The following SMIM36 variants were observed in gnomAD, a reference collection of about 807,000 sequenced individuals.
SMIM36 encodes small integral membrane protein 36.
chr17:55,485,059 C>T (rs982547979), intron 1 of SMIM36, among the ~76,000 whole-genome samples: 4 of 152,136 alleles, frequency 2.6e-5, no homozygotes, highest in Non-Finnish European at 5.9e-5. Context: ...ATGTGAGAAA[C>T]TATCCATATT....
intron 1 of SMIM36, among the ~76,000 whole-genome samples, chr17:55,492,483 C>T (rs901120723): frequency 4.0e-5 from 6 of 151,556 alleles, no homozygotes; most frequent in South Asian, 2.1e-4. Flanking sequence ...TGACCTCATA[C>T]GTTCTTTCTC....
intron 1 of SMIM36, among the ~76,000 whole-genome samples, chr17:55,501,416 A>G (rs752926259): frequency 0.047 from 1,097 of 23,484 alleles, 206 homozygotes; most frequent in African/African-American, 0.29. Context: ...ATATATTATA[A>G]AATATAATAT....
chr17:55,470,296 C>T (rs1909320971), intron 3 of SMIM36, among the ~76,000 whole-genome samples: 2 of 152,212 alleles, frequency 1.3e-5, no homozygotes, highest in African/African-American at 4.8e-5. Flanking sequence ...ATCTTCTCTG[C>T]TTAGTGGCTG....
chr17:55,455,568 T>G (rs948293739), intron 4 of SMIM36, among the ~76,000 whole-genome samples: 5 of 152,226 alleles, frequency 3.3e-5, no homozygotes, highest in African/African-American at 1.2e-4. Flanking sequence ...GGTGGGAGGA[T>G]CAGTTGAGCC....
At chr17:55,529,306 A>G in the SMIM36 span, among the ~76,000 whole-genome samples, 2 of 152,198 alleles carry the variant, frequency 1.3e-5, no homozygotes, top group Non-Finnish European at 2.9e-5. Flanking sequence ...CTCATAATTA[A>G]TTTACCATTA....
the SMIM36 span, among the ~76,000 whole-genome samples, chr17:55,522,883 C>A: frequency 2.6e-5 from 4 of 152,240 alleles, no homozygotes; most frequent in East Asian, 7.7e-4. Flanking sequence ...TCCCTGTACA[C>A]GGGCCCAGAG....
At chr17:55,463,395 A>G (rs1909179044) in intron 4 of SMIM36, among the ~76,000 whole-genome samples, 1 of 152,118 alleles carries the variant, frequency 6.6e-6, no homozygotes, top group South Asian at 2.1e-4. Context: ...CCCTAAAAAA[A>G]GAAATAAAAA....
intron 1 of SMIM36, among the ~76,000 whole-genome samples, chr17:55,488,999 T>C (rs1193691672): frequency 6.6e-6 from 1 of 152,204 alleles, no homozygotes; most frequent in East Asian, 1.9e-4. Context: ...GAACAATTCA[T>C]TTAATTGTCA....
At chr17:55,460,409 C>G (rs1406979211) in intron 4 of SMIM36, among the ~76,000 whole-genome samples, 1 of 141,322 alleles carries the variant, frequency 7.1e-6, no homozygotes, top group Non-Finnish European at 1.5e-5. Context: ...GCCTGGGCGA[C>G]AAGAGTGAGA....
At chr17:55,458,116 T>C (rs1008117988) in intron 4 of SMIM36, 4 of 152,226 alleles carry the variant, frequency 2.6e-5, no homozygotes, top group Non-Finnish European at 4.4e-5. Context: ...AAATTCTGTA[T>C]TGTGAACCTG....
intron 3 of SMIM36, among the ~76,000 whole-genome samples, 176 bp downstream of exon 3, chr17:55,478,586 T>C (rs548072438): frequency 6.6e-6 from 1 of 152,260 alleles, no homozygotes; most frequent in Admixed American, 6.5e-5. Flanking sequence ...GATTTAGGAA[T>C]AATAGTAGTC....
intron 1 of SMIM36, among the ~76,000 whole-genome samples, chr17:55,499,537 C>T (rs1909871891): frequency 6.6e-6 from 1 of 152,168 alleles, no homozygotes; most frequent in African/African-American, 2.4e-5. Flanking sequence ...TAAAAAGTAT[C>T]TGGCACGTAG....
At position 55,474,442 on chromosome 17, in the gene SMIM36, T is replaced by C. The variant is rs138699377; in HGVS notation, c.*347+4320A>G. Among the ~76,000 whole-genome samples, 319 of 152,296 alleles carry C rather than the reference T, an allele frequency of 2.1e-3. 8 individuals carry two copies. The East Asian group carries it at 0.054, about 26-fold the overall frequency. Reference sequence around the variant, plus strand: ...GTGGCAGGCCCCCGTGGAGGATCAATGCAGTGGCTGAACACCAGGAAGGAA... The same window carrying C: ...GTGGCAGGCCCCCGTGGAGGATCAACGCAGTGGCTGAACACCAGGAAGGAA... On this transcript the variant is annotated intron_variant, in intron 3 of 4. Coordinates refer to ENST00000636752, the Ensembl canonical transcript of SMIM36.
chr17:55,494,996 C>G (rs1904951170), intron 1 of SMIM36, among the ~76,000 whole-genome samples: 1 of 152,164 alleles, frequency 6.6e-6, no homozygotes, highest in Non-Finnish European at 1.5e-5. Context: ...ATGCAAAGCG[C>G]TTGGTATAGT....
intron 4 of SMIM36, chr17:55,458,302 C>T (rs530188850): frequency 6.6e-6 from 1 of 152,300 alleles, no homozygotes; most frequent in Admixed American, 6.5e-5. Context: ...ATTAATATTC[C>T]TTCTGACAAT....
chr17:55,526,885 G>A, the SMIM36 span: 2 of 152,146 alleles, frequency 1.3e-5, no homozygotes, highest in African/African-American at 4.8e-5. Context: ...TATCTGTGGG[G>A]AATGTCCAAA....
chr17:55,507,699 G>C (rs1461330458), intron 1 of SMIM36, among the ~76,000 whole-genome samples: 8 of 145,226 alleles, frequency 5.5e-5, no homozygotes, highest in Admixed American at 6.9e-5. Flanking sequence ...TGCACAATGT[G>C]CACATGTACC....
chr17:55,497,958 C>T (rs186126378), intron 1 of SMIM36, among the ~76,000 whole-genome samples: 2 of 152,288 alleles, frequency 1.3e-5, no homozygotes, highest in Admixed American at 6.5e-5. Context: ...CAAAGTACTG[C>T]AAACCATGTG....
chr17:55,467,420 A>C (rs1313785915), intron 3 of SMIM36, 92 bp from the exon 4 acceptor site: 1 of 151,196 alleles, frequency 6.6e-6, no homozygotes, highest in Non-Finnish European at 1.5e-5. Context: ...TTTTTGAGAC[A>C]GAGTCTCGCT....
Sources: gnomAD v4.1 joint callset for allele counts (sites outside exome capture counted in the v4.1 genomes callset) on GRCh38, gnomAD v4.1.1 for gene constraint, MANE v1.5 for transcripts, NCBI Gene and HGNC (gene_info 2026-07-23, HGNC 2026-07-21) for gene names.